The following PDE4D variants were observed in gnomAD, a reference collection of about 807,000 sequenced individuals.
PDE4D encodes 3',5'-cyclic-AMP phosphodiesterase 4D.
A neutral mutation model predicts 87.4 loss-of-function variants in PDE4D; 24 were observed. The ratio of observed to expected loss-of-function variants is 0.27; its 90% CI spans 0.20 to 0.39. The LOEUF (loss-of-function observed/expected upper bound fraction) is 0.39. PDE4D is among the 10% of genes least tolerant of loss of function. The pLI is 1.00. For synonymous variants in PDE4D, 384 were observed against 383.2 expected (o/e 1.00, Z -0.02); for missense variants, 714 against 1,041.0 (o/e 0.69, Z 4.32).
At chr5:59,925,984 A>G (rs1755223180) in intron 3 of PDE4D, among the ~76,000 whole-genome samples, 1 of 152,190 alleles carries the variant, frequency 6.6e-6, no homozygotes, top group Non-Finnish European at 1.5e-5. Context: ...ACAAAGAAAC[A>G]TCGGACTTGA....
intron 1 of PDE4D, among the ~76,000 whole-genome samples, chr5:59,824,292 G>A (rs949063415): frequency 5.3e-5 from 8 of 152,006 alleles, no homozygotes; most frequent in African/African-American, 1.9e-4. Flanking sequence ...TGTGAACGTC[G>A]CTCTTCTAGT....
At chr5:60,069,684 A>G (rs1772502964) in intron 2 of PDE4D, among the ~76,000 whole-genome samples, 1 of 152,024 alleles carries the variant, frequency 6.6e-6, no homozygotes, top group Non-Finnish European at 1.5e-5. Flanking sequence ...ATGGCTCCAT[A>G]TAAATTTTAG....
intron 1 of PDE4D, among the ~76,000 whole-genome samples, chr5:59,515,955 T>C (rs952549026): frequency 2.0e-5 from 3 of 152,342 alleles, no homozygotes; most frequent in Admixed American, 1.3e-4. Context: ...AGTGGATTTC[T>C]TCTCACACTG....
At position 59,099,508 on chromosome 5, in the gene PDE4D, C is replaced by T. The variant is rs78563706; in HGVS notation, c.809-60537G>A. The stretch of plus-strand genomic sequence containing the variant: ...CACCATATTCACCACAAGTCATGTA[C>T]ATGTTTACATGGCCACTAAATAACC... On this transcript the variant is annotated intron_variant, in intron 5 of 14. Transcript: ENST00000340635. Among the ~76,000 whole-genome samples the T allele has an allele frequency of 7.1e-3, 1,078 of 152,296 alleles. 14 individuals carry two copies. The highest frequency in any genetic ancestry group is 0.025 in the African/African-American group (1,032 of 41,564).
At chr5:59,694,797 C>T (rs554104288) in intron 1 of PDE4D, among the ~76,000 whole-genome samples, 1 of 152,278 alleles carries the variant, frequency 6.6e-6, no homozygotes, top group Admixed American at 6.5e-5. Flanking sequence ...ATCCCTATGA[C>T]CATTTGCTCC....
At chr5:60,137,739 T>C (rs1376601154) in intron 2 of PDE4D, among the ~76,000 whole-genome samples, 1 of 152,126 alleles carries the variant, frequency 6.6e-6, no homozygotes, top group African/African-American at 2.4e-5. Flanking sequence ...CTGTAGGCTG[T>C]TTACTCTGTT....
intron 1 of PDE4D, among the ~76,000 whole-genome samples, chr5:60,407,444 CTTTTTTTTTTTT>C (rs70975385): frequency 6.6e-4 from 53 of 80,102 alleles, no homozygotes; most frequent in African/African-American, 2.9e-3. Context: ...TTTCTTTTTC[CTTTTTTTTTTTT>C]TTTTTTTTTT....
chr5:59,304,161 T>C (rs1770815027), intron 1 of PDE4D, among the ~76,000 whole-genome samples: 1 of 152,078 alleles, frequency 6.6e-6, no homozygotes, highest in Admixed American at 6.6e-5. Context: ...ACAGCTATTG[T>C]AAAATGGGTT....
At chr5:60,321,283 G>A (rs905101535) in intron 1 of PDE4D, among the ~76,000 whole-genome samples, 3 of 152,080 alleles carry the variant, frequency 2.0e-5, no homozygotes, top group African/African-American at 7.2e-5. Flanking sequence ...AGTCAACAAA[G>A]ACAAGCAATG....
At chr5:60,241,727 A>T (rs1747151269) in intron 1 of PDE4D, among the ~76,000 whole-genome samples, 1 of 152,120 alleles carries the variant, frequency 6.6e-6, no homozygotes, top group Non-Finnish European at 1.5e-5. Context: ...CATGAAGAGG[A>T]GGTAGAAAGT....
chr5:60,420,771 G>C (rs1371207673), intron 1 of PDE4D, among the ~76,000 whole-genome samples: 2 of 152,188 alleles, frequency 1.3e-5, no homozygotes, highest in African/African-American at 4.8e-5. Flanking sequence ...AAGTGCAAGG[G>C]GTTGGGGGAT....
chr5:60,151,564 G>A (rs1027942264), intron 2 of PDE4D, among the ~76,000 whole-genome samples: 1 of 152,034 alleles, frequency 6.6e-6, no homozygotes, highest in African/African-American at 2.4e-5. Flanking sequence ...CATTGTTAGT[G>A]TACAGATACA....
chr5:59,116,716 G>T (rs934464993), intron 5 of PDE4D, among the ~76,000 whole-genome samples: 1 of 152,146 alleles, frequency 6.6e-6, no homozygotes, highest in Non-Finnish European at 1.5e-5. Flanking sequence ...CTGCAGCCAG[G>T]CAAGAAGTAG....
chr5:59,076,183 T>G (rs560883469), intron 5 of PDE4D, among the ~76,000 whole-genome samples: 1 of 152,176 alleles, frequency 6.6e-6, no homozygotes, highest in Non-Finnish European at 1.5e-5. Flanking sequence ...AATTTACATT[T>G]TATACAGTGT....
At chr5:59,967,824 T>G (rs1469200154) in intron 3 of PDE4D, among the ~76,000 whole-genome samples, 1 of 152,042 alleles carries the variant, frequency 6.6e-6, no homozygotes, top group Non-Finnish European at 1.5e-5. Flanking sequence ...CTATTCACAA[T>G]AGCAAAGATG....
At chr5:60,102,150 C>G (rs1741608680) in intron 2 of PDE4D, among the ~76,000 whole-genome samples, 2 of 152,116 alleles carry the variant, frequency 1.3e-5, no homozygotes, top group South Asian at 2.1e-4. Context: ...ACTCCACACT[C>G]TAGATGGCCA....
At chr5:60,018,718 C>G (rs1218384739) in intron 2 of PDE4D, among the ~76,000 whole-genome samples, 1 of 151,942 alleles carries the variant, frequency 6.6e-6, no homozygotes, top group Non-Finnish European at 1.5e-5. Context: ...GATTTTAAAC[C>G]AACAAAGATC....
chr5:60,279,141 C>T (rs1466327877), intron 1 of PDE4D, among the ~76,000 whole-genome samples: 2 of 152,100 alleles, frequency 1.3e-5, no homozygotes, highest in Non-Finnish European at 2.9e-5. Context: ...GGAAGAGGCT[C>T]CTTATTACTG....
chr5:59,639,322 C>T (rs1371802327), intron 1 of PDE4D, among the ~76,000 whole-genome samples: 1 of 152,078 alleles, frequency 6.6e-6, no homozygotes, highest in Non-Finnish European at 1.5e-5. Context: ...TAAATTCCTA[C>T]AAAGAAGAGA....
Sources: allele counts gnomAD v4.1 joint callset (sites outside exome capture counted in the v4.1 genomes callset), GRCh38; gene constraint gnomAD v4.1.1; transcripts MANE v1.5; gene names NCBI Gene and HGNC (gene_info 2026-07-23, HGNC 2026-07-21).